Variants in RBFOX1 observed in about 807,000 individuals in gnomAD.
RBFOX1 encodes the protein RNA binding fox-1 homolog 1, also known as RNA binding protein fox-1 homolog 1.
Under a neutral mutation model 57.7 loss-of-function variants are expected in RBFOX1, and 8 were observed. The observed-to-expected ratio is 0.14, with a 90% CI of 0.08 to 0.25. The LOEUF is 0.25. Among genes scored for constraint, RBFOX1 ranks in the 10% least tolerant of loss-of-function variants. RBFOX1 has a pLI of 1.00. For synonymous variants in RBFOX1, 326 were observed against 222.4 expected (o/e 1.47, Z -4.15); for missense variants, 611 against 548.5 (o/e 1.11, Z -1.14).
intron 3 of RBFOX1, among the ~76,000 whole-genome samples, chr16:6,867,337 A>G (rs1401920954): frequency 6.6e-6 from 1 of 152,108 alleles, no homozygotes; most frequent in Admixed American, 6.6e-5. Flanking sequence ...GTTTTGTACA[A>G]GGAATAACCT....
intron 1 of RBFOX1, among the ~76,000 whole-genome samples, chr16:5,425,278 G>A (rs60146709): frequency 0.02 from 3,117 of 152,060 alleles, 115 homozygotes; most frequent in African/African-American, 0.071. Context: ...GCTAATTTTT[G>A]TATTTTTAGT....
At chr16:7,346,205 A>G (rs2097000820) in intron 4 of RBFOX1, among the ~76,000 whole-genome samples, 1 of 151,948 alleles carries the variant, frequency 6.6e-6, no homozygotes, top group Admixed American at 6.6e-5. Context: ...TATGTGCGAC[A>G]TTTTCTTAAT....
At chr16:5,280,802 A>T (rs1419393830) in intron 1 of RBFOX1, among the ~76,000 whole-genome samples, 2 of 148,610 alleles carry the variant, frequency 1.3e-5, no homozygotes, top group Non-Finnish European at 3.0e-5. Flanking sequence ...TTCTGATTGT[A>T]TTTATTTGGG....
intron 1 of RBFOX1, among the ~76,000 whole-genome samples, chr16:5,464,170 G>C (rs1292064457): frequency 6.6e-6 from 1 of 152,220 alleles, no homozygotes; most frequent in Non-Finnish European, 1.5e-5. Flanking sequence ...CTTGGGCTGT[G>C]TGGAGTTGAT....
intron 1 of RBFOX1, among the ~76,000 whole-genome samples, chr16:5,454,763 CTTT>C (rs1567534227): frequency 8.1e-5 from 3 of 37,018 alleles, no homozygotes; most frequent in African/African-American, 3.1e-4. Flanking sequence ...TCTTTTCTTT[CTTT>C]CTCTTTCTTT....
At chr16:6,642,817 A>G (rs1264089695) in intron 2 of RBFOX1, among the ~76,000 whole-genome samples, 2 of 152,202 alleles carry the variant, frequency 1.3e-5, no homozygotes, top group African/African-American at 4.8e-5. Flanking sequence ...GGCCCCCTGA[A>G]GATTCCTCCA....
At chr16:7,401,677 T>C (rs767500111) in intron 4 of RBFOX1, among the ~76,000 whole-genome samples, 26 of 152,210 alleles carry the variant, frequency 1.7e-4, no homozygotes, top group South Asian at 8.3e-4. Flanking sequence ...AGGAAAACAG[T>C]GTCTTTGTTG....
At chr16:6,073,543 C>T (rs2095860996) in intron 1 of RBFOX1, among the ~76,000 whole-genome samples, 1 of 152,196 alleles carries the variant, frequency 6.6e-6, no homozygotes, top group South Asian at 2.1e-4. Flanking sequence ...GTTGAATTAG[C>T]TGAAGCATTT....
intron 3 of RBFOX1, among the ~76,000 whole-genome samples, chr16:5,818,701 A>G (rs1439987606): frequency 6.6e-6 from 1 of 152,200 alleles, no homozygotes; most frequent in Non-Finnish European, 1.5e-5. Flanking sequence ...TTGACCGTAG[A>G]GGGGACAACA....
intron 1 of RBFOX1, among the ~76,000 whole-genome samples, chr16:5,419,830 A>G (rs1008841531): frequency 1.3e-5 from 2 of 152,026 alleles, no homozygotes; most frequent in East Asian, 1.9e-4. Flanking sequence ...TGGTTTGAAG[A>G]TGGAGAAGGA....
chr16:7,121,019 C>G (rs76658043), intron 4 of RBFOX1, among the ~76,000 whole-genome samples: 10 of 151,674 alleles, frequency 6.6e-5, no homozygotes, highest in African/African-American at 1.9e-4. Flanking sequence ...AACACATGAC[C>G]CTGTAAAATA....
intron 1 of RBFOX1, among the ~76,000 whole-genome samples, chr16:5,406,590 C>T (rs149207800): frequency 6.6e-6 from 1 of 151,650 alleles, no homozygotes; most frequent in Non-Finnish European, 1.5e-5. Flanking sequence ...CTCTCTCTCT[C>T]TATATATATG....
At chr16:5,521,587 A>C (rs1028329714) in intron 2 of RBFOX1, among the ~76,000 whole-genome samples, 8 of 152,146 alleles carry the variant, frequency 5.3e-5, no homozygotes, top group African/African-American at 1.9e-4. Flanking sequence ...AATTTCCCAG[A>C]GTCACAGGGG....
At chr16:7,256,511 A>G (rs1467375162) in intron 4 of RBFOX1, among the ~76,000 whole-genome samples, 1 of 151,952 alleles carries the variant, frequency 6.6e-6, no homozygotes, top group Admixed American at 6.6e-5. Context: ...CCTAATCACC[A>G]TTCCCCTTCC....
intron 4 of RBFOX1, among the ~76,000 whole-genome samples, chr16:7,450,794 G>A (rs1598727944): frequency 6.6e-6 from 1 of 152,124 alleles, no homozygotes; most frequent in Admixed American, 6.5e-5. Context: ...AGACATTGAA[G>A]AGGCTCAATG....
At chr16:6,160,575 A>G (rs1416922565) in intron 1 of RBFOX1, among the ~76,000 whole-genome samples, 2 of 152,098 alleles carry the variant, frequency 1.3e-5, no homozygotes, top group African/African-American at 4.8e-5. Flanking sequence ...ATTCTCCTCC[A>G]TCCAGCCCGA....
At chr16:5,447,291 C>A (rs1348840024) in intron 1 of RBFOX1, among the ~76,000 whole-genome samples, 1 of 151,880 alleles carries the variant, frequency 6.6e-6, no homozygotes, top group Admixed American at 6.6e-5. Context: ...GGCTCTGCAC[C>A]GTATAAGCTG....
intron 1 of RBFOX1, among the ~76,000 whole-genome samples, chr16:6,236,336 C>A (rs892038343): frequency 6.6e-6 from 1 of 152,122 alleles, no homozygotes; most frequent in Non-Finnish European, 1.5e-5. Flanking sequence ...GTACCTAACT[C>A]ATAATCTGTG....
intron 4 of RBFOX1, among the ~76,000 whole-genome samples, chr16:7,072,555 A>G (rs1006806674): frequency 6.6e-6 from 1 of 152,228 alleles, no homozygotes; most frequent in Non-Finnish European, 1.5e-5. Context: ...TGTTGTTAAT[A>G]CAATGAAAGA....
Sources: allele counts gnomAD v4.1 joint callset (sites outside exome capture counted in the v4.1 genomes callset), GRCh38; gene constraint gnomAD v4.1.1; transcripts MANE v1.5; gene names NCBI Gene and HGNC (gene_info 2026-07-23, HGNC 2026-07-21).